Variants in ADAMTSL1 observed in about 807,000 individuals in gnomAD.
The protein encoded by ADAMTSL1 is ADAMTS-like protein 1.
Under a neutral mutation model 201.8 loss-of-function variants are expected in ADAMTSL1, and 126 were observed. The ratio of observed to expected loss-of-function variants is 0.62; its 90% CI spans 0.54 to 0.72. The LOEUF is 0.72. Ranked by LOEUF, ADAMTSL1 falls within the 30% of genes least tolerant of loss-of-function variation. The probability of loss-of-function intolerance (pLI) is 0.00; values close to 1 mark genes in which losing one functional copy is unlikely to be tolerated. For synonymous variants in ADAMTSL1, 1,121 were observed against 903.4 expected (o/e 1.24, Z -4.32); for missense variants, 2,679 against 2,277.8 (o/e 1.18, Z -3.59).
At chr9:17,907,896 TG>T (rs1825786475) in intron 1 of ADAMTSL1, among the ~76,000 whole-genome samples, 1 of 152,188 alleles carries the variant, frequency 6.6e-6, no homozygotes, top group African/African-American at 2.4e-5. Context: ...TGGGTAATTC[TG>T]GGAAAATACC....
intron 1 of ADAMTSL1, among the ~76,000 whole-genome samples, chr9:18,078,641 GT>G (rs990970394): frequency 1.3e-5 from 2 of 152,026 alleles, no homozygotes; most frequent in Non-Finnish European, 2.9e-5. Flanking sequence ...TATTTTTGTG[GT>G]TTTTTCTAGA....
chr9:18,091,817 C>T (rs768973568), intron 1 of ADAMTSL1, among the ~76,000 whole-genome samples: 3 of 151,750 alleles, frequency 2.0e-5, no homozygotes, highest in Non-Finnish European at 2.9e-5. Flanking sequence ...AGAGTCCTTG[C>T]GCCTAAAATG....
At chr9:18,645,927 A>C (rs1827781494) in intron 7 of ADAMTSL1, among the ~76,000 whole-genome samples, 1 of 149,624 alleles carries the variant, frequency 6.7e-6, no homozygotes, top group South Asian at 2.2e-4. Flanking sequence ...TCTGTGAAGA[A>C]AGTCATTGGT....
At chr9:18,307,858 A>T (rs1206362525) in intron 2 of ADAMTSL1, among the ~76,000 whole-genome samples, 1 of 152,190 alleles carries the variant, frequency 6.6e-6, no homozygotes, top group Non-Finnish European at 1.5e-5. Flanking sequence ...ATAGACATCT[A>T]TAGGACTCTT....
chr9:18,002,575 G>A (rs534843299), intron 1 of ADAMTSL1, among the ~76,000 whole-genome samples: 16 of 152,124 alleles, frequency 1.1e-4, no homozygotes, highest in Non-Finnish European at 2.2e-4. Context: ...TCATGTTTAT[G>A]AAAAGATTCT....
chr9:18,899,994 A>C (rs1829907746), intron 26 of ADAMTSL1, among the ~76,000 whole-genome samples: 1 of 152,216 alleles, frequency 6.6e-6, no homozygotes, highest in South Asian at 2.1e-4. Flanking sequence ...ATCATTAGAG[A>C]GAACAGACAA....
At chr9:18,142,918 C>T (rs544333384) in intron 1 of ADAMTSL1, among the ~76,000 whole-genome samples, 13 of 152,178 alleles carry the variant, frequency 8.5e-5, no homozygotes, top group East Asian at 1.9e-4. Flanking sequence ...TCTATCACAC[C>T]GGGGGGTAAT....
intron 2 of ADAMTSL1, among the ~76,000 whole-genome samples, chr9:18,336,324 T>TA (rs1175881555): frequency 2.0e-5 from 3 of 151,642 alleles, no homozygotes; most frequent in South Asian, 4.2e-4. Context: ...TTTTTTTTTT[T>TA]ACCACAGGCA....
chr9:18,699,874 A>T (rs573484), intron 13 of ADAMTSL1, among the ~76,000 whole-genome samples: 2 of 152,072 alleles, frequency 1.3e-5, no homozygotes, highest in African/African-American at 4.8e-5. Flanking sequence ...ATCTATGAAA[A>T]GAAGTGGTGC....
chr9:18,901,028 C>T (rs1829987199), intron 26 of ADAMTSL1, among the ~76,000 whole-genome samples: 3 of 152,110 alleles, frequency 2.0e-5, no homozygotes, highest in Admixed American at 6.5e-5. Context: ...GACAAGCCAG[C>T]TCCTCTTGCC....
rs988018174 is a variant in ADAMTSL1, at chr9:18,854,256, C to T, written c.4249+24279C>T. ...TATGCACGCACACACACACACACCC[C>T]TTCCTCTCCTTATTGCCCAGTGGTA... On this transcript the variant is annotated intron_variant, in intron 23 of 28. Transcript: ENST00000380548. Among the ~76,000 whole-genome samples, 63 of 152,208 alleles carry T rather than the reference C, an allele frequency of 4.1e-4. 1 individual carries two copies. Among genetic ancestry groups the T allele is most frequent in the African/African-American group, 1.3e-3 (55 of 41,538 alleles).
intron 1 of ADAMTSL1, among the ~76,000 whole-genome samples, chr9:18,129,961 T>A (rs955990666): frequency 6.6e-6 from 1 of 152,164 alleles, no homozygotes; most frequent in Non-Finnish European, 1.5e-5. Context: ...TACTCTGAGC[T>A]GCCCGCTGCC....
At chr9:17,930,645 C>G (rs566241740) in intron 1 of ADAMTSL1, among the ~76,000 whole-genome samples, 1 of 152,094 alleles carries the variant, frequency 6.6e-6, no homozygotes. Context: ...AATATAGAAA[C>G]CCTAAAGAAT....
At chr9:18,414,771 G>T (rs1398246433) in intron 2 of ADAMTSL1, among the ~76,000 whole-genome samples, 1 of 152,164 alleles carries the variant, frequency 6.6e-6, no homozygotes, top group African/African-American at 2.4e-5. Flanking sequence ...AACCTGCAGA[G>T]AATCACCTTG....
intron 2 of ADAMTSL1, among the ~76,000 whole-genome samples, chr9:18,363,243 A>C (rs1358593537): frequency 1.3e-5 from 2 of 152,210 alleles, no homozygotes; most frequent in African/African-American, 4.8e-5. Context: ...CACTCCCACC[A>C]GCTAACCTAT....
At chr9:18,900,445 A>G (rs1829938415) in intron 26 of ADAMTSL1, among the ~76,000 whole-genome samples, 1 of 151,634 alleles carries the variant, frequency 6.6e-6, no homozygotes, top group East Asian at 2.0e-4. Flanking sequence ...CTAAAGGAAT[A>G]CAAATCATTC....
chr9:18,462,892 G>A (rs1820861535), intron 2 of ADAMTSL1, among the ~76,000 whole-genome samples: 1 of 151,428 alleles, frequency 6.6e-6, no homozygotes. Flanking sequence ...TGAGCCGAGG[G>A]AGCACCACTG....
chr9:18,258,584 C>G lies in ADAMTSL1; in HGVS notation c.207+94603C>G, dbSNP rs552547366. Among the ~76,000 whole-genome samples the G allele has an allele frequency of 7.2e-5, 11 of 152,308 alleles. No individual in the cohort carries two copies. The South Asian group carries it at 2.3e-3, about 32-fold the overall frequency. On this transcript the variant is annotated intron_variant, in intron 2 of 29. Transcript: ENST00000680146. ...TCACCTAGCAGAGACAATCACATTC[C>G]TGTGTGGCCTGGATCTCCACACCCA...
chr9:18,183,852 T>A (rs1019990579), intron 2 of ADAMTSL1, among the ~76,000 whole-genome samples: 6 of 152,336 alleles, frequency 3.9e-5, no homozygotes, highest in African/African-American at 1.4e-4. Context: ...TGGATAACTT[T>A]TCTATTATTT....
Sources: allele counts gnomAD v4.1 joint callset (sites outside exome capture counted in the v4.1 genomes callset), GRCh38; gene constraint gnomAD v4.1.1; transcripts MANE v1.5; gene names NCBI Gene and HGNC (gene_info 2026-07-23, HGNC 2026-07-21).